Variants in ZBTB40 observed in about 807,000 individuals in gnomAD.
The protein encoded by ZBTB40 is zinc finger and BTB domain-containing protein 40.
ZBTB40 carries 60 observed loss-of-function variants against 117.5 expected under a neutral mutation model. The ratio of observed to expected loss-of-function variants is 0.51; its 90% CI spans 0.41 to 0.63. The LOEUF (loss-of-function observed/expected upper bound fraction) is 0.63, where lower values mean the gene tolerates loss of function less well. ZBTB40 is among the 30% of genes least tolerant of loss of function. The pLI is 0.00. For missense variants in ZBTB40, 1,287 were observed against 1,498.5 expected (o/e 0.86, Z 2.33); for synonymous variants, 525 against 577.1 (o/e 0.91, Z 1.29).
rs1222294324 is a variant in ZBTB40, at chr1:22,431,384, G to GTGTGTATATATATA, written c.-70+2371_-70+2372insGTGTATATATATAT. Among the ~76,000 whole-genome samples the GTGTGTATATATATA allele has an allele frequency of 2.5e-3, 297 of 119,640 alleles. 1 individual carries two copies. The highest frequency in any genetic ancestry group is 0.01 in the African/African-American group (274 of 26,904). 78.5% of individuals were successfully genotyped at this position (119,640 alleles called of 152,430 possible). A position where few individuals can be genotyped will look rare whatever the true frequency, so the allele number is the denominator to read the frequency against. On this transcript the variant is annotated intron_variant, in intron 1 of 8. Coordinates refer to the ZBTB40 transcript ENST00000650433. ...ATTTTGTGTGTGTGTGTGTGTGTGT[G>GTGTGTATATATATA]TATATATATATATATATATATATAT...
chr1:22,511,091 A>G, intron 9 of ZBTB40, 88 bp from the exon 10 acceptor site: 1 of 1,207,164 alleles, frequency 8.3e-7, no homozygotes, highest in Non-Finnish European at 1.2e-6. Context: ...TCCTGGGATT[A>G]GCTTTTTTTT....
rs546050204 is a variant in ZBTB40, at chr1:22,526,514, A to G, written c.*118A>G. On this transcript the variant is annotated 3_prime_UTR_variant, in exon 18 of 18. Transcript: ENST00000375647. ...TGGTGAGCATCTTAGCTTAGCACCAACCAACACAGTCTCACCTAGAAAACA... is the reference window on the plus strand; with the variant it reads ...TGGTGAGCATCTTAGCTTAGCACCAGCCAACACAGTCTCACCTAGAAAACA... 1,109 of 1,308,958 alleles carry G rather than the reference A, an allele frequency of 8.5e-4. 1 individual carries two copies. The highest frequency in any genetic ancestry group is 1.0e-3 in the Non-Finnish European group (960 of 923,728). 81.1% of individuals were successfully genotyped at this position (1,308,958 alleles called of 1,614,324 possible). A position where few individuals can be genotyped will look rare whatever the true frequency, so the allele number is the denominator to read the frequency against.
At position 22,502,441 on chromosome 1, in the gene ZBTB40, G is replaced by A; in HGVS notation, c.1167G>A (p.Arg389=). 2.5e-6 allele frequency: 4 copies of A among 1,613,972 alleles called. No individual in the cohort carries two copies. The highest frequency in any genetic ancestry group is 3.4e-6 in the Non-Finnish European group (4 of 1,179,918). ...AATTCCTGACTGGCACTGAAAAAAG[G>A]GTAACTGTGTCAAGTGTCTCCTCCC... ...KEEFLTGTEK[R]VILNCCEGRT... is the part of the protein sequence containing the mutation. Residue 389 remains arginine (R), a splice_region_variant and synonymous_variant, in exon 5 of 18, where the codon AGG becomes AGA. Coordinates refer to ENST00000375647, the MANE Select transcript of ZBTB40 (RefSeq NM_014870.4).
chr1:22,450,280 AT>A (rs1226250528), upstream of ZBTB40, among the ~76,000 whole-genome samples: 3 of 152,178 alleles, frequency 2.0e-5, no homozygotes, highest in East Asian at 5.8e-4. Context: ...AGCACCTACT[AT>A]GTGCCAAGCA....
chr1:22,436,002 A>C (rs1640665522), intron 1 of ZBTB40, among the ~76,000 whole-genome samples: 1 of 151,446 alleles, frequency 6.6e-6, no homozygotes, highest in African/African-American at 2.4e-5. Context: ...ATAACTGACA[A>C]CACCAACTGT....
At position 22,511,931 on chromosome 1, in the gene ZBTB40, T is replaced by G; in HGVS notation, c.2258T>G (p.Val753Gly). 1 of 1,614,152 alleles carries G rather than the reference T, an allele frequency of 6.2e-7. No individual in the cohort carries two copies. Among genetic ancestry groups the G allele is most frequent in the Non-Finnish European group, 8.5e-7 (1 of 1,180,028 alleles). The change falls in exon 11 of 18, where the codon GTG (valine) becomes GGG (glycine). Residue 753 changes from valine (V) to glycine (G), a missense_variant. Coordinates refer to ENST00000375647, the MANE Select transcript of ZBTB40 (RefSeq NM_014870.4). The part of the protein sequence containing the change: ...KSFHFYCRLK[V>G]HMKRCRVAKS... ...TTCCATTTCTACTGCCGCCTAAAGGTGCACATGAAGCGCTGCCGGGTGGCT... is the reference window on the plus strand; with the variant it reads ...TTCCATTTCTACTGCCGCCTAAAGGGGCACATGAAGCGCTGCCGGGTGGCT...
chr1:22,471,405 C>T (rs769619361), intron 1 of ZBTB40, among the ~76,000 whole-genome samples: 60 of 152,210 alleles, frequency 3.9e-4, no homozygotes, highest in Non-Finnish European at 7.9e-4. Flanking sequence ...GTTAAGAACA[C>T]GGAGCCAGGC....
chr1:22,456,850 A>G (rs183201887), intron 1 of ZBTB40, among the ~76,000 whole-genome samples: 1 of 152,378 alleles, frequency 6.6e-6, no homozygotes, highest in Admixed American at 6.5e-5. Flanking sequence ...CCTCGTTAGC[A>G]GATATCATAA....
intron 12 of ZBTB40, among the ~76,000 whole-genome samples, chr1:22,514,294 C>A (rs947936832): frequency 1.1e-4 from 17 of 152,178 alleles, no homozygotes; most frequent in African/African-American, 4.1e-4. Context: ...CTTGCTTTCA[C>A]CATTTCTCTT....
At chr1:22,457,430 A>G (rs529151423) in intron 1 of ZBTB40, among the ~76,000 whole-genome samples, 6 of 152,346 alleles carry the variant, frequency 3.9e-5, no homozygotes, top group East Asian at 1.9e-4. Context: ...GAAAACTCCT[A>G]TAGGCCAGAG....
chr1:22,441,609 A>G (rs1438962061), intron 1 of ZBTB40, among the ~76,000 whole-genome samples: 1 of 150,652 alleles, frequency 6.6e-6, no homozygotes, highest in African/African-American at 2.4e-5. Flanking sequence ...CAGCCTCCCA[A>G]GTAGCTGAGA....
rs2124462228 is a variant in ZBTB40, at chr1:22,513,955, A to T, written c.2668+825A>T. On this transcript the variant is annotated intron_variant, in intron 12 of 17. Coordinates refer to ENST00000375647, the MANE Select transcript of ZBTB40 (RefSeq NM_014870.4). The surrounding 1 kb of genome is among the most constrained non-coding windows in gnomAD (Gnocchi z 4.9). ...GAGTTCAAGCATGAGAAGGACCCTG[A>T]CTAAGCACCTACCGTGGATCAGACA... Among the ~76,000 whole-genome samples the T allele has an allele frequency of 6.6e-6, 1 of 152,354 alleles. No individual in the cohort carries two copies. The highest frequency in any genetic ancestry group is 1.9e-4 in the East Asian group (1 of 5,180).
intron 1 of ZBTB40, among the ~76,000 whole-genome samples, chr1:22,433,459 A>T (rs976049025): frequency 1.9e-4 from 26 of 135,354 alleles, no homozygotes; most frequent in African/African-American, 6.9e-4. Context: ...AAAAAAAAAG[A>T]CAGCTAAAAA....
intron 1 of ZBTB40, among the ~76,000 whole-genome samples, chr1:22,436,069 A>G (rs1393360353): frequency 1.3e-5 from 2 of 152,156 alleles, no homozygotes; most frequent in African/African-American, 4.8e-5. Context: ...AGTATAAATG[A>G]TACAACCACT....
rs61769195 is a variant in ZBTB40 at position 22,480,571 on chromosome 1, C to T, written c.-69-9309C>T. On this transcript the variant is annotated intron_variant, in intron 1 of 17. Transcript: ENST00000375647. ...TTCATCGTGTTAGCCAGGATGGTCT[C>T]GATCTCCTGACCTCGTGATCTGCCC... Among the ~76,000 whole-genome samples the T allele has an allele frequency of 4.7e-3, 714 of 151,322 alleles. 4 individuals carry two copies. Among genetic ancestry groups the T allele is most frequent in the South Asian group, 0.01 (49 of 4,668 alleles).
chr1:22,489,900 A>C lies in ZBTB40; in HGVS notation c.-49A>C, dbSNP rs775410845. The C allele has an allele frequency of 6.3e-7, 1 of 1,585,448 alleles. No individual in the cohort carries two copies. Among genetic ancestry groups the C allele is most frequent in the Non-Finnish European group, 8.6e-7 (1 of 1,164,646 alleles). ...TCTAGGGCCTGTCCTCCCAAAGCCAACTCTAAGGAGAGGAGAGGAAGAGCA... is the reference window on the plus strand; with the variant it reads ...TCTAGGGCCTGTCCTCCCAAAGCCACCTCTAAGGAGAGGAGAGGAAGAGCA... On this transcript the variant is annotated 5_prime_UTR_variant, in exon 2 of 18. Transcript: ENST00000375647.
At chr1:22,473,220 C>G (rs1192070452) in intron 1 of ZBTB40, among the ~76,000 whole-genome samples, 1 of 152,140 alleles carries the variant, frequency 6.6e-6, no homozygotes, top group Non-Finnish European at 1.5e-5. Context: ...GAGGCCCCAC[C>G]CAGAACTTCT....
intron 1 of ZBTB40, among the ~76,000 whole-genome samples, chr1:22,466,126 C>T (rs1641249680): frequency 6.6e-6 from 1 of 152,204 alleles, no homozygotes; most frequent in South Asian, 2.1e-4. Context: ...GAATCATATA[C>T]AGCAATATGT....
intron 4 of ZBTB40, 24 bp from the exon 5 acceptor site, chr1:22,502,275 T>C (rs894492208): frequency 1.2e-6 from 2 of 1,609,914 alleles, no homozygotes; most frequent in Non-Finnish European, 1.7e-6. Flanking sequence ...TTCTCTTGTG[T>C]GTCTCTAACT....
Sources: gnomAD v4.1 joint callset for allele counts (sites outside exome capture counted in the v4.1 genomes callset) on GRCh38, gnomAD v4.1.1 for gene constraint, Gnocchi (gnomAD v3.1) non-coding constraint, MANE v1.5 for transcripts, NCBI Gene and HGNC (gene_info 2026-07-23, HGNC 2026-07-21) for gene names.